The following ENPP1 variants were observed in gnomAD, a reference collection of about 807,000 sequenced individuals.
The protein encoded by ENPP1 is ectonucleotide pyrophosphatase/phosphodiesterase family member 1.
In ENPP1, 73 loss-of-function variants were observed where a neutral mutation model predicts 122.8. The observed-to-expected ratio is 0.59, with a 90% CI of 0.49 to 0.72. The LOEUF (loss-of-function observed/expected upper bound fraction) is 0.72. Among genes scored for constraint, ENPP1 ranks in the 30% least tolerant of loss-of-function variants. The pLI, the probability that ENPP1 is intolerant of heterozygous loss-of-function variation, is 0.00. For synonymous variants in ENPP1, 367 were observed against 391.6 expected, an observed-to-expected ratio of 0.94 and a Z score of 0.74; for missense variants, 978 against 1,128.1, an observed-to-expected ratio of 0.87 and a Z score of 1.91.
chr6:131,868,616 A>AT lies in ENPP1; in HGVS notation c.1273+498dup, dbSNP rs976138514. 2.2e-4 allele frequency among the ~76,000 whole-genome samples: 34 copies of AT among 152,008 alleles called. 1 individual carries two copies. Among genetic ancestry groups the AT allele is most frequent in the African/African-American group, 8.0e-4 (33 of 41,468 alleles). On this transcript the variant is annotated intron_variant, in intron 12 of 24. Coordinates refer to ENST00000647893, the MANE Select transcript of ENPP1 (RefSeq NM_006208.3). ...CACCACACCTGGCTAATTAAAAAAA[A>AT]TTTTTTTTGGTAGACATGGGATCTT...
At chr6:131,812,397 G>A (rs572916860) in intron 1 of ENPP1, among the ~76,000 whole-genome samples, 3 of 152,284 alleles carry the variant, frequency 2.0e-5, no homozygotes, top group South Asian at 2.1e-4. Context: ...CCCTTCTAAC[G>A]TGGCTAGGAG....
chr6:131,834,849 G>A lies in ENPP1; in HGVS notation c.241-12927G>A, dbSNP rs79046942. On this transcript the variant is annotated intron_variant, in intron 1 of 24. Coordinates refer to ENST00000647893, the MANE Select transcript of ENPP1 (RefSeq NM_006208.3). Reference sequence around the variant, plus strand: ...GCTGGGATTACAGGCGTGAGCCACCGCGCCCAGCTGAGGTAATAGTCTTTA... The same window carrying A: ...GCTGGGATTACAGGCGTGAGCCACCACGCCCAGCTGAGGTAATAGTCTTTA... Among the ~76,000 whole-genome samples, 1,263 of 152,174 alleles carry A rather than the reference G, an allele frequency of 8.3e-3. 6 individuals are homozygous for A. The highest frequency in any genetic ancestry group is 0.014 in the Non-Finnish European group (931 of 68,008).
chr6:131,821,956 A>T (rs1055261483), intron 1 of ENPP1, among the ~76,000 whole-genome samples: 1 of 152,162 alleles, frequency 6.6e-6, no homozygotes, highest in Non-Finnish European at 1.5e-5. Flanking sequence ...CTTCCTATAA[A>T]CTGCCACCCA....
intron 5 of ENPP1, among the ~76,000 whole-genome samples, chr6:131,854,145 C>A (rs996691732): frequency 3.3e-5 from 5 of 152,056 alleles, no homozygotes; most frequent in African/African-American, 4.8e-5. Context: ...TGGCTCACAC[C>A]TGTAATCCTA....
chr6:131,841,735 G>A (rs1781743013), intron 1 of ENPP1, among the ~76,000 whole-genome samples: 1 of 152,186 alleles, frequency 6.6e-6, no homozygotes, highest in South Asian at 2.1e-4. Flanking sequence ...TCACAGTCTA[G>A]TCAGAGACAG....
At chr6:131,850,703 G>A (rs1372036084) in intron 3 of ENPP1, among the ~76,000 whole-genome samples, 3 of 152,122 alleles carry the variant, frequency 2.0e-5, no homozygotes, top group Non-Finnish European at 4.4e-5. Context: ...CAAGTAGCTG[G>A]AACTACAGGC....
intron 1 of ENPP1, among the ~76,000 whole-genome samples, chr6:131,808,534 G>T (rs1038769527): frequency 6.6e-6 from 1 of 152,202 alleles, no homozygotes; most frequent in Admixed American, 6.5e-5. Flanking sequence ...TGTTCAAAAC[G>T]GTCATCCTTA....
chr6:131,808,565 C>T (rs917824084), intron 1 of ENPP1, among the ~76,000 whole-genome samples: 1 of 152,188 alleles, frequency 6.6e-6, no homozygotes, highest in Non-Finnish European at 1.5e-5. Context: ...ACCCCCTGCC[C>T]CAGGAGAGTA....
chr6:131,827,212 C>T (rs1585797352), intron 1 of ENPP1: 1 of 863,516 alleles, frequency 1.2e-6, no homozygotes, highest in Non-Finnish European at 2.0e-6. Context: ...ACTGTCCATT[C>T]ATTACTGAGG....
intron 1 of ENPP1, among the ~76,000 whole-genome samples, chr6:131,811,920 G>A (rs541997659): frequency 2.6e-5 from 4 of 152,080 alleles, no homozygotes; most frequent in Admixed American, 6.5e-5. Flanking sequence ...GCTCATTTCC[G>A]GATAGTCTTG....
rs879243445 is a variant in ENPP1 at position 131,847,856 on chromosome 6, G to GTTGTGT, written c.313+8_313+9insTTGTGT. 1,693 of 1,181,864 alleles carry GTTGTGT rather than the reference G, an allele frequency of 1.4e-3. 38 individuals are homozygous for GTTGTGT. In the African/African-American group the frequency reaches 0.022, roughly 15 times the overall value. The allele number at this position is 1,181,864 out of a possible 1,614,324, so 73.2% of individuals were successfully genotyped here. A position where few individuals can be genotyped will look rare whatever the true frequency, so the allele number is the denominator to read the frequency against. Reference sequence around the variant, plus strand: ...CAAGCTGTGCCAAAGAAGGTAATTAGGTGTGTGTGTGTGTGTGTGTGTGTG... The same window carrying GTTGTGT: ...CAAGCTGTGCCAAAGAAGGTAATTAGTTGTGTGTGTGTGTGTGTGTGTGTGTGTGTG... On this transcript the variant is annotated intron_variant, in intron 2 of 24. Transcript: ENST00000647893.
Position 131,890,968 on chromosome 6 carries a change from T to A in ENPP1, c.*457T>A, listed in dbSNP as rs1044582. On this transcript the variant is annotated 3_prime_UTR_variant, in exon 25 of 25. Coordinates refer to ENST00000647893, the MANE Select transcript of ENPP1 (RefSeq NM_006208.3). ...AAAGTGGTTCTGGATATCTTTTAAC[T>A]TGGAGTTTCATTTCTTTTCATTGTA... The A allele has an allele frequency of 0.12, 17,848 of 154,690 alleles. 1,970 individuals are homozygous for A. Among genetic ancestry groups the A allele is most frequent in the African/African-American group, 0.3 (12,278 of 41,376 alleles). 9.6% of individuals were successfully genotyped at this position (154,690 alleles called of 1,614,324 possible). A position where few individuals can be genotyped will look rare whatever the true frequency, so the allele number is the denominator to read the frequency against.
rs561089409 is a variant in ENPP1 at position 131,885,577 on chromosome 6, AAAG to A, written c.2444+516_2444+518del. 3.3e-5 allele frequency among the ~76,000 whole-genome samples: 5 copies of A among 152,270 alleles called. No homozygotes were observed. The South Asian group carries it at 1.0e-3, about 32-fold the overall frequency. ...AAACCATCAGTGGTGCTTTTTTAAA[AAAG>A]AGAGGGAAAGAACATCTTGGAAACT... On this transcript the variant is annotated intron_variant, in intron 23 of 24. Transcript: ENST00000647893.
intron 1 of ENPP1, among the ~76,000 whole-genome samples, chr6:131,844,283 C>T (rs1781777611): frequency 6.6e-6 from 1 of 152,240 alleles, no homozygotes; most frequent in Admixed American, 6.5e-5. Context: ...CTCCCAACAA[C>T]ATAGTTCAAA....
chr6:131,842,031 C>T (rs534056562), intron 1 of ENPP1, among the ~76,000 whole-genome samples: 1 of 152,248 alleles, frequency 6.6e-6, no homozygotes, highest in Non-Finnish European at 1.5e-5. Context: ...CCAGCCCCTT[C>T]CCTTCCCACT....
intron 1 of ENPP1, among the ~76,000 whole-genome samples, chr6:131,846,956 G>A (rs1165667026): frequency 1.3e-5 from 2 of 152,208 alleles, no homozygotes; most frequent in Non-Finnish European, 1.5e-5. Context: ...GTGGCAAAGT[G>A]TTAGCACTGG....
intron 6 of ENPP1, among the ~76,000 whole-genome samples, chr6:131,855,543 CTCTA>C (rs1453498182): frequency 6.6e-6 from 1 of 152,088 alleles, no homozygotes; most frequent in Non-Finnish European, 1.5e-5. Flanking sequence ...TCAGGCTGGT[CTCTA>C]ACTCCTGGGC....
chr6:131,850,178 A>G (rs1419214887), intron 3 of ENPP1, 72 bp downstream of exon 3: 12 of 1,063,998 alleles, frequency 1.1e-5, no homozygotes, highest in Admixed American at 1.0e-4. Flanking sequence ...TGTGTCTTTC[A>G]GGTATGTGAT....
intron 21 of ENPP1, among the ~76,000 whole-genome samples, chr6:131,882,679 C>G (rs998004099): frequency 7.0e-6 from 1 of 143,518 alleles, no homozygotes; most frequent in African/African-American, 2.6e-5. Flanking sequence ...ATATATATAG[C>G]TTTGTTTATT....
Sources: gnomAD v4.1 joint callset for allele counts (sites outside exome capture counted in the v4.1 genomes callset) on GRCh38, gnomAD v4.1.1 for gene constraint, MANE v1.5 for transcripts, NCBI Gene and HGNC (gene_info 2026-07-23, HGNC 2026-07-21) for gene names.